Variants in ZNF350 observed in about 807,000 individuals in gnomAD.
The protein encoded by ZNF350 is zinc finger protein 350, also known as KRAB zinc finger protein ZFQR.
ZNF350 carries 5 observed loss-of-function variants against 13.1 expected under a neutral mutation model. The observed-to-expected ratio is 0.38, with a 90% CI of 0.20 to 0.80. The LOEUF is 0.80. Among genes scored for constraint, ZNF350 ranks in the 30% least tolerant of loss-of-function variants. The pLI is 0.43. For missense variants in ZNF350, 534 were observed against 644.2 expected (o/e 0.83, Z 1.85); for synonymous variants, 199 against 224.2 (o/e 0.89, Z 1.00).
chr19:51,983,008 A>G (rs1019945786), intron 1 of ZNF350, among the ~76,000 whole-genome samples: 2 of 152,208 alleles, frequency 1.3e-5, no homozygotes, highest in African/African-American at 4.8e-5. Context: ...ATATAGAAAG[A>G]GGAAGACATA....
At chr19:51,977,526 A>G (rs1437292464) in intron 1 of ZNF350, among the ~76,000 whole-genome samples, 1 of 152,090 alleles carries the variant, frequency 6.6e-6, no homozygotes, top group East Asian at 1.9e-4. Flanking sequence ...GTCAAATGGC[A>G]CTCCCAGATG....
At chr19:51,980,460 G>T (rs140388526) in intron 1 of ZNF350, among the ~76,000 whole-genome samples, 3 of 152,170 alleles carry the variant, frequency 2.0e-5, no homozygotes, top group Non-Finnish European at 4.4e-5. Context: ...AAACATCTCA[G>T]TAGGTGGAGA....
Position 51,966,084 on chromosome 19 carries a change from C to T in ZNF350, c.369G>A (p.Gly123=). The T allele has an allele frequency of 6.2e-7, 1 of 1,613,994 alleles. No homozygotes were observed. The highest frequency in any genetic ancestry group is 1.3e-5 in the African/African-American group (1 of 75,014). ...GTAAGTCAAATATATCATGATTTTG[C>T]CCTAACAGAAACTGACTTTTGCTGC... ...VHCSKSQFLL[G]QNHDIFDLRG... is the part of the protein sequence containing the mutation. Residue 123 remains glycine, a synonymous_variant, in exon 5 of 5, where the codon GGG becomes GGA. Coordinates refer to ENST00000243644, the MANE Select transcript of ZNF350 (RefSeq NM_021632.4).
chr19:51,970,187 G>A (rs756490799), intron 2 of ZNF350, among the ~76,000 whole-genome samples: 14 of 150,312 alleles, frequency 9.3e-5, no homozygotes, highest in African/African-American at 9.8e-5. Flanking sequence ...TCAGCCTCCC[G>A]AGTAGCTAGG....
chr19:51,981,422 G>C (rs1466006101), intron 1 of ZNF350: 1 of 152,136 alleles, frequency 6.6e-6, no homozygotes, highest in Non-Finnish European at 1.5e-5. Context: ...GCAGTCCCAT[G>C]GGTCCATGTG....
Position 51,980,917 on chromosome 19 carries a change from C to G in ZNF350, c.-172+5853G>C, listed in dbSNP as rs564183188. On this transcript the variant is annotated intron_variant, in intron 1 of 4. Coordinates refer to ENST00000243644, the MANE Select transcript of ZNF350 (RefSeq NM_021632.4). ...AATAATGTTGTTTTGTCTCTGTCTT[C>G]GGTTTATAGTCTGTAAAATCGGATG... 3.3e-5 allele frequency: 5 copies of G among 152,214 alleles called. No homozygotes were observed. In the East Asian group the frequency reaches 9.6e-4, roughly 29 times the overall value. 9.4% of individuals were successfully genotyped at this position (152,214 alleles called of 1,614,324 possible). A position where few individuals can be genotyped will look rare whatever the true frequency, so the allele number is the denominator to read the frequency against.
At position 51,986,801 on chromosome 19, in the gene ZNF350, T is replaced by C. The variant is rs1482558374; in HGVS notation, c.-203A>G. The C allele has an allele frequency of 6.6e-6, 1 of 152,266 alleles. No homozygotes were observed. The allele number at this position is 152,266 out of a possible 1,614,324, so 9.4% of individuals were successfully genotyped here. On this transcript the variant is annotated 5_prime_UTR_variant, in exon 1 of 5. Transcript: ENST00000243644. The stretch of plus-strand genomic sequence containing the variant: ...TTTCTCCAGATACACAAGAAGGGCC[T>C]CAACGTTACACTTCCGTAAACTGCT...
rs577861890 is a variant in ZNF350, at chr19:51,968,814, C to T, written c.143-141G>A. The T allele has an allele frequency of 6.8e-5, 96 of 1,410,740 alleles. 1 individual carries two copies. The highest frequency in any genetic ancestry group is 1.0e-4 in the Admixed American group (5 of 48,648). 87.4% of individuals were successfully genotyped at this position (1,410,740 alleles called of 1,614,324 possible). A position where few individuals can be genotyped will look rare whatever the true frequency, so the allele number is the denominator to read the frequency against. ...TTCTTATCTGAAACTATGAAAGTTT[C>T]GTTTCATATCTGTAACATCAAGGTT... On this transcript the variant is annotated intron_variant, in intron 3 of 4. Transcript: ENST00000243644.
intron 1 of ZNF350, among the ~76,000 whole-genome samples, chr19:51,984,729 C>G (rs763171859): frequency 3.3e-5 from 5 of 152,282 alleles, no homozygotes; most frequent in African/African-American, 4.8e-5. Context: ...TGCAAGAATG[C>G]TTTTTACATT....
Position 51,965,221 on chromosome 19 carries a change from A to G in ZNF350, c.1232T>C (p.Phe411Ser). ...PYGCNECGKAFAYMSCLVKHK... is the reference protein window; with the variant it reads ...PYGCNECGKASAYMSCLVKHK... The stretch of plus-strand genomic sequence containing the variant: ...CTTAACCAGACACGACATATACGCA[A>G]ACGCTTTCCCACACTCGTTACAGCC... Residue 411 changes from phenylalanine (F) to serine (S), a missense_variant, in exon 5 of 5, where the codon TTT becomes TCT. Physicochemically the swap from Phe to Ser is radical, Grantham distance 155. Transcript: ENST00000243644. The G allele has an allele frequency of 6.2e-7, 1 of 1,614,118 alleles. No individual in the cohort carries two copies.
chr19:51,977,750 C>T (rs975486444), intron 1 of ZNF350, among the ~76,000 whole-genome samples: 6 of 152,206 alleles, frequency 3.9e-5, no homozygotes, highest in African/African-American at 1.2e-4. Context: ...AGAATGCAAA[C>T]GTGTACTGTA....
At position 51,964,739 on chromosome 19, in the gene ZNF350, G is replaced by T; in HGVS notation, c.*115C>A. 8.2e-7 allele frequency: 1 copy of T among 1,219,974 alleles called. No homozygotes were observed. The highest frequency in any genetic ancestry group is 1.5e-5 in the South Asian group (1 of 64,554). 75.6% of individuals were successfully genotyped at this position (1,219,974 alleles called of 1,614,324 possible). A position where few individuals can be genotyped will look rare whatever the true frequency, so the allele number is the denominator to read the frequency against. On this transcript the variant is annotated 3_prime_UTR_variant, in exon 5 of 5. Transcript: ENST00000243644. ...ATCACAGCATACATTTTAATAGGAT[G>T]AGTTTATCAGGCTATCTCAGCCTTA...
chr19:51,965,941 C>T lies in ZNF350; in HGVS notation c.512G>A (p.Arg171Gln), dbSNP rs138780746. Residue 171 changes from arginine (R) to glutamine (Q), a missense_variant, in exon 5 of 5, where the codon CGA becomes CAA. Physicochemically the swap from Arg to Gln is conservative, Grantham distance 43 (BLOSUM62 1). Transcript: ENST00000243644. ...AGGGAATTTAATTGCAGTATGAAGT[C>T]GTTCATGGTTAGCATGAAGAAAGGA... ...GDSFLHANHE[R>Q]LHTAIKFPAS... 2.2e-5 allele frequency: 36 copies of T among 1,613,884 alleles called. No homozygotes were observed. The highest frequency in any genetic ancestry group is 6.7e-5 in the East Asian group (3 of 44,880).
intron 2 of ZNF350, among the ~76,000 whole-genome samples, chr19:51,970,479 G>A (rs1210217114): frequency 6.6e-6 from 1 of 152,094 alleles, no homozygotes; most frequent in Non-Finnish European, 1.5e-5. Context: ...AAGTCTGTAT[G>A]TGCTCAGTTC....
intron 2 of ZNF350, among the ~76,000 whole-genome samples, chr19:51,970,040 G>A (rs1017029316): frequency 2.7e-5 from 4 of 146,208 alleles, no homozygotes; most frequent in Admixed American, 6.8e-5. Context: ...CTACAGGCAT[G>A]TGACACTACG....
chr19:51,973,447 G>A (rs1402634577), intron 2 of ZNF350: 3 of 152,122 alleles, frequency 2.0e-5, no homozygotes, highest in African/African-American at 7.2e-5. Flanking sequence ...AAGGACCCAA[G>A]CAAACAAAGA....
intron 1 of ZNF350, among the ~76,000 whole-genome samples, chr19:51,983,203 T>A (rs944634188): frequency 6.6e-6 from 1 of 152,188 alleles, no homozygotes; most frequent in Admixed American, 6.5e-5. Context: ...TTGGTAAAAG[T>A]CATCACCATT....
rs2085550414 is a variant in ZNF350, at chr19:51,965,774, T to C, written c.679A>G (p.Met227Val). 3.7e-6 allele frequency: 6 copies of C among 1,613,836 alleles called. No individual in the cohort carries two copies. The highest frequency in any genetic ancestry group is 4.2e-6 in the Non-Finnish European group (5 of 1,179,874). ...CTGTGGGGTTTCTCTCCTGTATGCA[T>C]TACCTGGTGATCAGTTAGCCAAGAC... ...KKSWLTDHQV[M>V]HTGEKPHRCS... Residue 227 changes from methionine (M) to valine (V), a missense_variant, in exon 5 of 5, where the codon ATG (methionine) becomes GTG (valine). Physicochemically the swap from Met to Val is conservative, Grantham distance 21 (BLOSUM62 1). Transcript: ENST00000243644.
chr19:51,977,031 T>TA (rs2085914934), intron 1 of ZNF350, among the ~76,000 whole-genome samples: 1 of 152,126 alleles, frequency 6.6e-6, no homozygotes, highest in Non-Finnish European at 1.5e-5. Flanking sequence ...AGAGGGAGGA[T>TA]AAAAATTGGC....
Sources: gnomAD v4.1 joint callset for allele counts (sites outside exome capture counted in the v4.1 genomes callset) on GRCh38, gnomAD v4.1.1 for gene constraint, MANE v1.5 for transcripts, NCBI Gene and HGNC (gene_info 2026-07-23, HGNC 2026-07-21) for gene names.